Variants in GAPDHS observed in about 807,000 individuals in gnomAD.
The protein encoded by GAPDHS is glyceraldehyde-3-phosphate dehydrogenase, testis-specific.
A neutral mutation model predicts 48.7 loss-of-function variants in GAPDHS; 42 were observed. The ratio of observed to expected loss-of-function variants is 0.86; its 90% CI spans 0.67 to 1.12. The LOEUF (loss-of-function observed/expected upper bound fraction) is 1.12, where lower values mean the gene tolerates loss of function less well. Ranked by LOEUF, GAPDHS falls within the 50% of genes most tolerant of loss-of-function variation. The pLI, the probability that GAPDHS is intolerant of heterozygous loss-of-function variation, is 0.00. For missense variants in GAPDHS, 512 were observed against 557.7 expected, an observed-to-expected ratio of 0.92 and a Z score of 0.82; for synonymous variants, 166 against 219.1, an observed-to-expected ratio of 0.76 and a Z score of 2.14.
intron 9 of GAPDHS, 104 bp downstream of exon 9, chr19:35,543,931 G>A (rs2071525364): frequency 2.8e-6 from 4 of 1,436,442 alleles, no homozygotes; most frequent in Non-Finnish European, 3.6e-6. Flanking sequence ...GAAACTGCAG[G>A]GCAGGAAGGG....
At chr19:35,542,658 G>A (rs745693130) in intron 6 of GAPDHS, 50 bp downstream of exon 6, 23 of 1,221,170 alleles carry the variant, frequency 1.9e-5, no homozygotes, top group Middle Eastern at 1.9e-4. Flanking sequence ...GGGTAGACTC[G>A]TCCTCCCCAC....
chr19:35,539,611 C>T (rs936654637), intron 4 of GAPDHS, among the ~76,000 whole-genome samples: 25 of 152,100 alleles, frequency 1.6e-4, no homozygotes, highest in Middle Eastern at 3.2e-3. Context: ...TGTCTGGGCC[C>T]AGGCAGGGTC....
At position 35,545,283 on chromosome 19, in the gene GAPDHS, C is replaced by T. The variant is rs1375130117; in HGVS notation, c.*113C>T. On this transcript the variant is annotated 3_prime_UTR_variant, in exon 11 of 11. Transcript: ENST00000222286. The stretch of plus-strand genomic sequence containing the variant: ...GACACCCGGGGCGGGCGCCCCACGC[C>T]GATGGGTCCATGGTGAAATAAAAAA... 1.2e-6 allele frequency: 1 copy of T among 816,296 alleles called. No individual in the cohort carries two copies. Among genetic ancestry groups the T allele is most frequent in the African/African-American group, 1.7e-5 (1 of 59,572 alleles). The allele number at this position is 816,296 out of a possible 1,614,324, so 50.6% of individuals were successfully genotyped here.
chr19:35,543,088 G>C (rs1489850675), intron 7 of GAPDHS, 62 bp downstream of exon 7: 1 of 1,312,056 alleles, frequency 7.6e-7, no homozygotes, highest in African/African-American at 1.4e-5. Context: ...TTCTTCCCGG[G>C]CCTTGCTTAC....
intron 4 of GAPDHS, among the ~76,000 whole-genome samples, chr19:35,539,321 C>T (rs1352136984): frequency 6.6e-6 from 1 of 152,222 alleles, no homozygotes; most frequent in African/African-American, 2.4e-5. Context: ...TGCCTGAATT[C>T]CAAAGGGAGG....
rs1568683877 is a variant in GAPDHS, at chr19:35,542,492, C to T, written c.543C>T (p.Asp181=). 6 of 1,612,832 alleles carry T rather than the reference C, an allele frequency of 3.7e-6. No individual in the cohort carries two copies. Among genetic ancestry groups the T allele is most frequent in the Non-Finnish European group, 5.1e-6 (6 of 1,178,852 alleles). ...TGACACCTGCGCTTCCTCCCCAGGACCACATCTCTGCAGGTGCTCAACGTG... is the reference window on the plus strand; with the variant it reads ...TGACACCTGCGCTTCCTCCCCAGGATCACATCTCTGCAGGTGCTCAACGTG... ...GVYLSIQAAS[D]HISAGAQRVV... is the part of the protein sequence containing the mutation. The change falls in exon 6 of 11, where the codon GAC becomes GAT. Residue 181 remains aspartate, a splice_region_variant and synonymous_variant. Transcript: ENST00000222286.
intron 6 of GAPDHS, 98 bp from the exon 7 acceptor site, chr19:35,542,847 T>A (rs1257301541): frequency 1.1e-5 from 10 of 934,228 alleles, no homozygotes; most frequent in Non-Finnish European, 1.8e-5. Flanking sequence ...TGACGTTTCA[T>A]AAAACCAAGT....
At chr19:35,544,800 ATAT>A in intron 9 of GAPDHS, 106 bp from the exon 10 acceptor site, 4 of 753,942 alleles carry the variant, frequency 5.3e-6, no homozygotes, top group Non-Finnish European at 9.8e-6. Context: ...GCTACATCAA[ATAT>A]TATAGATGAA....
intron 1 of GAPDHS, among the ~76,000 whole-genome samples, chr19:35,534,332 C>G (rs1401267318): frequency 6.6e-6 from 1 of 152,180 alleles, no homozygotes; most frequent in African/African-American, 2.4e-5. Context: ...GGGCTTTGGT[C>G]CAGGAGACCC....
In GAPDHS at chr19:35,543,507, G is replaced by C; in HGVS notation, c.893+16G>C. 1 of 1,593,496 alleles carries C rather than the reference G, an allele frequency of 6.3e-7. No homozygotes were observed. Among genetic ancestry groups the C allele is most frequent in the Non-Finnish European group, 8.5e-7 (1 of 1,171,370 alleles). On this transcript the variant is annotated intron_variant, in intron 8 of 10. Coordinates refer to ENST00000222286, the MANE Select transcript of GAPDHS (RefSeq NM_014364.5). The stretch of plus-strand genomic sequence containing the variant: ...AGCTCAAAGGGTATGAGGACAAGAA[G>C]CTGCAACCAGGGTGGGGGCATACGC...
chr19:35,542,007 G>C, intron 4 of GAPDHS: 1 of 399,636 alleles, frequency 2.5e-6, no homozygotes, highest in Non-Finnish European at 4.7e-6. Flanking sequence ...AAAGGGTCTG[G>C]GCTGGCTGAC....
At chr19:35,538,450 G>A (rs753887573) in intron 3 of GAPDHS, 47 bp downstream of exon 3, 1 of 1,255,472 alleles carries the variant, frequency 8.0e-7, no homozygotes, top group Non-Finnish European at 1.2e-6. Flanking sequence ...GACTGGGGTG[G>A]GAAAGGGACT....
intron 5 of GAPDHS, 38 bp downstream of exon 5, chr19:35,542,447 A>G (rs1600133749): frequency 6.3e-7 from 1 of 1,595,836 alleles, no homozygotes; most frequent in Middle Eastern, 1.7e-4. Flanking sequence ...AGCTGGGGGG[A>G]TGATGGTGCC....
intron 1 of GAPDHS, among the ~76,000 whole-genome samples, chr19:35,534,385 T>C (rs2071452000): frequency 6.6e-6 from 1 of 152,210 alleles, no homozygotes; most frequent in Non-Finnish European, 1.5e-5. Context: ...CTCATGAGAC[T>C]TGAACCCCTG....
At chr19:35,540,477 G>T (rs999913271) in intron 4 of GAPDHS, among the ~76,000 whole-genome samples, 1 of 152,182 alleles carries the variant, frequency 6.6e-6, no homozygotes, top group Non-Finnish European at 1.5e-5. Context: ...CAGGAAATGG[G>T]GGGTATCTGA....
rs139808125 is a variant in GAPDHS, at chr19:35,538,336, G to A, written c.275G>A (p.Arg92His). ...GFGRIGRLVL[R>H]ACMEKGVKVV... is the part of the protein sequence containing the mutation. ...GGACGCATCGGTCGCCTGGTCCTGC[G>A]CGCCTGCATGGAGAAGGGTGTTAAG... The change falls in exon 3 of 11, where the codon CGC becomes CAC. Residue 92 changes from arginine (R) to histidine (H), a missense_variant. Physicochemically the swap from Arg to His is conservative, Grantham distance 29. Coordinates refer to ENST00000222286, the MANE Select transcript of GAPDHS (RefSeq NM_014364.5). 6.0e-5 allele frequency: 97 copies of A among 1,613,570 alleles called. No individual in the cohort carries two copies. The highest frequency in any genetic ancestry group is 3.3e-4 in the Middle Eastern group (2 of 6,080).
intron 1 of GAPDHS, 56 bp downstream of exon 1, chr19:35,533,650 C>A: frequency 7.4e-7 from 1 of 1,344,846 alleles, no homozygotes; most frequent in Non-Finnish European, 1.0e-6. Flanking sequence ...TGGGGAGCGT[C>A]TGCACCCTCA....
At chr19:35,534,037 A>C (rs902880791) in intron 1 of GAPDHS, among the ~76,000 whole-genome samples, 1 of 152,164 alleles carries the variant, frequency 6.6e-6, no homozygotes, top group Non-Finnish European at 1.5e-5. Flanking sequence ...CTTGCCGGGG[A>C]CGTGCTGACC....
rs1568683717 is a variant in GAPDHS at position 35,542,339 on chromosome 19, C to T, written c.470C>T (p.Pro157Leu). ...VYQCKEPKQI[P>L]WRAVGSPYVV... ...CACAGCAAAGAGCCCAAACAGATCC[C>T]CTGGAGGGCTGTCGGGAGCCCCTAC... Residue 157 changes from proline (P) to leucine (L), a missense_variant, in exon 5 of 11, where the codon CCC becomes CTC. Transcript: ENST00000222286. 3 of 1,612,258 alleles carry T rather than the reference C, an allele frequency of 1.9e-6. No homozygotes were observed. The highest frequency in any genetic ancestry group is 2.5e-6 in the Non-Finnish European group (3 of 1,179,318).
Sources: gnomAD v4.1 joint callset for allele counts (sites outside exome capture counted in the v4.1 genomes callset) on GRCh38, gnomAD v4.1.1 for gene constraint, MANE v1.5 for transcripts, NCBI Gene and HGNC (gene_info 2026-07-23, HGNC 2026-07-21) for gene names.